EPHA4: variants seen among roughly 807,000 people sequenced by gnomAD.
EPHA4 encodes the protein EPH receptor A4, also known as ephrin type-A receptor 4.
Under a neutral mutation model 108.3 loss-of-function variants are expected in EPHA4, and 19 were observed. That is an observed-to-expected ratio of 0.18 (90% CI 0.12 to 0.26). EPHA4 has a LOEUF of 0.26. Ranked by LOEUF, EPHA4 falls within the 10% of genes least tolerant of loss-of-function variation. EPHA4 has a pLI of 1.00. For synonymous variants in EPHA4, 449 were observed against 455.5 expected, an observed-to-expected ratio of 0.99 and a Z score of 0.18; for missense variants, 917 against 1,254.0, an observed-to-expected ratio of 0.73 and a Z score of 4.06.
At chr2:221,533,070 A>T (rs1044065080) in intron 3 of EPHA4, 3 of 152,194 alleles carry the variant, frequency 2.0e-5, no homozygotes, top group African/African-American at 7.2e-5. Context: ...CAGGGAGATG[A>T]TTAAAAGAGA....
chr2:221,509,761 A>ATG (rs1212570498), intron 3 of EPHA4, among the ~76,000 whole-genome samples: 16 of 152,348 alleles, frequency 1.1e-4, no homozygotes, highest in African/African-American at 3.6e-4. Context: ...CAAAAAATAA[A>ATG]CTACAAACAA....
At chr2:221,468,704 G>A (rs545892841) in intron 5 of EPHA4, among the ~76,000 whole-genome samples, 1 of 152,280 alleles carries the variant, frequency 6.6e-6, no homozygotes, top group Non-Finnish European at 1.5e-5. Context: ...ACATTTACAG[G>A]CAGAAATACT....
At chr2:221,549,016 A>G (rs1694084726) in intron 3 of EPHA4, among the ~76,000 whole-genome samples, 1 of 152,188 alleles carries the variant, frequency 6.6e-6, no homozygotes, top group South Asian at 2.1e-4. Context: ...GTAAAACTCC[A>G]TTCTTCATGG....
rs16862747 is a variant in EPHA4 at position 221,479,617 on chromosome 2, G to T, written c.1318+2735C>A. ...ATGTAAATATGCTTAGGGGAGCTTC[G>T]ATAGAGTTTACGGTTGCTACATTCA... On this transcript the variant is annotated intron_variant, in intron 5 of 17. Transcript: ENST00000281821. Among the ~76,000 whole-genome samples the T allele has an allele frequency of 7.4e-3, 1,133 of 152,268 alleles. 12 individuals carry two copies. Among genetic ancestry groups the T allele is most frequent in the African/African-American group, 0.025 (1,048 of 41,558 alleles).
At chr2:221,511,941 G>A (rs1279305141) in intron 3 of EPHA4, among the ~76,000 whole-genome samples, 1 of 152,016 alleles carries the variant, frequency 6.6e-6, no homozygotes, top group Admixed American at 6.6e-5. Context: ...AACAGCTGAA[G>A]GAAACAAACT....
intron 8 of EPHA4, among the ~76,000 whole-genome samples, chr2:221,447,481 C>G (rs1019165527): frequency 1.3e-5 from 2 of 152,148 alleles, no homozygotes; most frequent in Non-Finnish European, 2.9e-5. Context: ...AGAGAGGCAG[C>G]GGATCCCGGT....
chr2:221,500,224 C>T (rs1003361051), intron 4 of EPHA4, among the ~76,000 whole-genome samples: 1 of 152,216 alleles, frequency 6.6e-6, no homozygotes, highest in Non-Finnish European at 1.5e-5. Flanking sequence ...ACACAACAGG[C>T]TGGGAAACAA....
intron 3 of EPHA4, among the ~76,000 whole-genome samples, chr2:221,504,310 T>C (rs1692567633): frequency 6.6e-6 from 1 of 152,006 alleles, no homozygotes; most frequent in South Asian, 2.1e-4. Flanking sequence ...TTTGCTTTAA[T>C]TATCTCTTTC....
Position 221,464,781 on chromosome 2 carries a change from T to C in EPHA4, c.1319-6791A>G, listed in dbSNP as rs543289357. ...AGTCAGCTCCACCCCCAACAGCTTT[T>C]AGTTGCTACATCATGCATCCACACA... On this transcript the variant is annotated intron_variant, in intron 5 of 17. Coordinates refer to ENST00000281821, the MANE Select transcript of EPHA4 (RefSeq NM_004438.5). Among the ~76,000 whole-genome samples the C allele has an allele frequency of 1.4e-4, 22 of 152,316 alleles. No individual in the cohort carries two copies. In the East Asian group the frequency reaches 3.9e-3, roughly 27 times the overall value.
chr2:221,527,415 C>T (rs1248322080), intron 3 of EPHA4, among the ~76,000 whole-genome samples: 1 of 152,110 alleles, frequency 6.6e-6, no homozygotes, highest in East Asian at 1.9e-4. Context: ...AGATACAGTT[C>T]CTCAAAAGAT....
chr2:221,429,213 T>A (rs1042550993), intron 15 of EPHA4, among the ~76,000 whole-genome samples: 2 of 152,204 alleles, frequency 1.3e-5, no homozygotes, highest in Non-Finnish European at 2.9e-5. Flanking sequence ...GATATGTAGG[T>A]ATCCTGAGTC....
At chr2:221,542,891 G>A (rs144587001) in intron 3 of EPHA4, among the ~76,000 whole-genome samples, 4 of 152,270 alleles carry the variant, frequency 2.6e-5, no homozygotes, top group Admixed American at 2.6e-4. Flanking sequence ...AAAAAACCTT[G>A]AGAAAGTAAA....
intron 3 of EPHA4, among the ~76,000 whole-genome samples, chr2:221,516,001 G>A (rs988682748): frequency 2.0e-5 from 3 of 149,606 alleles, no homozygotes; most frequent in African/African-American, 7.4e-5. Context: ...CCTTCCCCCA[G>A]GAAAAGAAAG....
chr2:221,470,596 A>T (rs1559254950), intron 5 of EPHA4, among the ~76,000 whole-genome samples: 1 of 58,814 alleles, frequency 1.7e-5, no homozygotes, highest in African/African-American at 6.7e-5. Flanking sequence ...TCCCTAAAGT[A>T]TCACTTTAGG....
In EPHA4 at chr2:221,425,436, T is replaced by C. The variant is rs533071367; in HGVS notation, c.*592A>G. 1 of 152,854 alleles carries C rather than the reference T, an allele frequency of 6.5e-6. No individual in the cohort carries two copies. The highest frequency in any genetic ancestry group is 2.1e-4 in the South Asian group (1 of 4,826). The allele number at this position is 152,854 out of a possible 1,614,324, so 9.5% of individuals were successfully genotyped here. On this transcript the variant is annotated 3_prime_UTR_variant, in exon 17 of 18. Transcript: ENST00000281821. ...ATATTTTAAATCCACTTTCCCTTTCTTTCCAGGCCCCCTGTGTCATAGGAA... is the reference window on the plus strand; with the variant it reads ...ATATTTTAAATCCACTTTCCCTTTCCTTCCAGGCCCCCTGTGTCATAGGAA...
intron 14 of EPHA4, among the ~76,000 whole-genome samples, chr2:221,433,500 A>AT (rs770050839): frequency 1.2e-4 from 18 of 151,024 alleles, no homozygotes; most frequent in South Asian, 2.1e-4. Flanking sequence ...GCTTTCTTTT[A>AT]TTTTTTTTTC....
chr2:221,421,243 T>G (rs1000861301), intron 17 of EPHA4, among the ~76,000 whole-genome samples: 5 of 150,634 alleles, frequency 3.3e-5, no homozygotes, highest in African/African-American at 1.2e-4. Flanking sequence ...GAGCTTGCAG[T>G]GAGCCGAGAC....
At chr2:221,422,074 TA>T (rs529717133) in intron 17 of EPHA4, 5,857 of 138,916 alleles carry the variant, frequency 0.042, 124 homozygotes, top group Middle Eastern at 0.07. Flanking sequence ...ACCCCATCTT[TA>T]AAAAAAAAAA....
chr2:221,445,592 A>G (rs1424358232), intron 9 of EPHA4, among the ~76,000 whole-genome samples: 1 of 148,078 alleles, frequency 6.8e-6, no homozygotes, highest in African/African-American at 2.5e-5. Context: ...TCCGTCAGAA[A>G]AAAAAAAAAA....
Sources: gnomAD v4.1 joint callset for allele counts (sites outside exome capture counted in the v4.1 genomes callset) on GRCh38, gnomAD v4.1.1 for gene constraint, MANE v1.5 for transcripts, NCBI Gene and HGNC (gene_info 2026-07-23, HGNC 2026-07-21) for gene names.